SPATA13: variants seen among roughly 807,000 people sequenced by gnomAD.
SPATA13 encodes the protein spermatogenesis-associated protein 13.
A neutral mutation model predicts 104.0 loss-of-function variants in SPATA13; 50 were observed. The observed-to-expected ratio is 0.48, with a 90% confidence interval of 0.38 to 0.61. The LOEUF (loss-of-function observed/expected upper bound fraction) is 0.61, where lower values mean the gene tolerates loss of function less well. SPATA13 is among the 20% of genes least tolerant of loss of function. The probability of loss-of-function intolerance (pLI) is 0.00; values close to 1 mark genes in which losing one functional copy is unlikely to be tolerated. For missense variants in SPATA13, 1,524 were observed against 1,690.6 expected, an observed-to-expected ratio of 0.90 and a Z score of 1.73; for synonymous variants, 606 against 667.5, an observed-to-expected ratio of 0.91 and a Z score of 1.42.
chr13:24,195,565 G>A (rs1027223504), intron 1 of SPATA13, among the ~76,000 whole-genome samples: 1 of 152,110 alleles, frequency 6.6e-6, no homozygotes, highest in Non-Finnish European at 1.5e-5. Context: ...CAGCCCACCA[G>A]CAATATAAGA....
chr13:23,987,001 C>CTCTGTGTG (rs1555252373), intron 2 of SPATA13, among the ~76,000 whole-genome samples: 4 of 141,426 alleles, frequency 2.8e-5, no homozygotes, highest in East Asian at 2.1e-4. Flanking sequence ...ATGGATATAT[C>CTCTGTGTG]TGTGTGTGTG....
chr13:24,298,118 G>T (rs545610355), intron 11 of SPATA13, among the ~76,000 whole-genome samples: 1 of 152,284 alleles, frequency 6.6e-6, no homozygotes, highest in South Asian at 2.1e-4. Flanking sequence ...CCAGCACTTT[G>T]GATGCCACAT....
At chr13:24,269,715 C>CA (rs1005863359) in intron 4 of SPATA13, among the ~76,000 whole-genome samples, 19 of 148,970 alleles carry the variant, frequency 1.3e-4, no homozygotes, top group Non-Finnish European at 2.2e-4. Flanking sequence ...ACCACAGGCA[C>CA]ATGCCACTAT....
intron 1 of SPATA13, among the ~76,000 whole-genome samples, chr13:24,217,210 T>G: frequency 6.6e-6 from 1 of 152,186 alleles, no homozygotes; most frequent in Non-Finnish European, 1.5e-5. Flanking sequence ...CCGGGCAACA[T>G]AGCAAGATTG....
intron 12 of SPATA13, among the ~76,000 whole-genome samples, chr13:24,302,077 T>G (rs1343652796): frequency 6.6e-6 from 1 of 152,176 alleles, no homozygotes; most frequent in Non-Finnish European, 1.5e-5. Flanking sequence ...GCTACTCACC[T>G]TGACTGTCAG....
chr13:24,280,203 G>T (rs1875393139), intron 4 of SPATA13, among the ~76,000 whole-genome samples: 1 of 152,102 alleles, frequency 6.6e-6, no homozygotes, highest in Non-Finnish European at 1.5e-5. Flanking sequence ...TGTTTATGAA[G>T]AACTCAGAGA....
At chr13:24,165,578 C>T (rs148275250) in intron 1 of SPATA13, among the ~76,000 whole-genome samples, 148 of 151,376 alleles carry the variant, frequency 9.8e-4, no homozygotes, top group African/African-American at 3.5e-3. Flanking sequence ...CCCGGTTGCA[C>T]CCCCCACCCA....
At chr13:24,070,952 C>CA (rs1879139543) in intron 3 of SPATA13, among the ~76,000 whole-genome samples, 1 of 152,210 alleles carries the variant, frequency 6.6e-6, no homozygotes, top group African/African-American at 2.4e-5. Context: ...TTAGGACGTG[C>CA]TGACCTCCAC....
chr13:24,215,949 G>C (rs1039948601), intron 1 of SPATA13, among the ~76,000 whole-genome samples: 1 of 152,192 alleles, frequency 6.6e-6, no homozygotes, highest in African/African-American at 2.4e-5. Context: ...GTCCTAACCG[G>C]GAACTTCATT....
chr13:24,230,911 C>T (rs1194696101), intron 2 of SPATA13, among the ~76,000 whole-genome samples: 1 of 152,152 alleles, frequency 6.6e-6, no homozygotes, highest in Non-Finnish European at 1.5e-5. Flanking sequence ...GAGGGACATT[C>T]CGTGGCTGGG....
chr13:24,268,966 T>A (rs1022170098), intron 4 of SPATA13, among the ~76,000 whole-genome samples: 8 of 152,188 alleles, frequency 5.3e-5, no homozygotes, highest in Non-Finnish European at 1.0e-4. Context: ...GCCTACGATA[T>A]AGTATATAGT....
intron 3 of SPATA13, among the ~76,000 whole-genome samples, chr13:24,061,991 T>C (rs1469881195): frequency 6.6e-6 from 1 of 152,206 alleles, no homozygotes; most frequent in Non-Finnish European, 1.5e-5. Context: ...AACTTAAGTA[T>C]CTTTGACTCA....
intron 3 of SPATA13, among the ~76,000 whole-genome samples, chr13:24,137,774 A>C (rs1382328510): frequency 6.6e-6 from 1 of 152,268 alleles, no homozygotes; most frequent in Non-Finnish European, 1.5e-5. Flanking sequence ...CTCCAAAAAA[A>C]CCCAAAAGTA....
At chr13:24,121,842 C>T (rs928724794) in intron 3 of SPATA13, among the ~76,000 whole-genome samples, 10 of 152,064 alleles carry the variant, frequency 6.6e-5, no homozygotes, top group African/African-American at 2.4e-4. Flanking sequence ...AAGAAATATG[C>T]CCCCTAAGGT....
chr13:24,271,748 C>T (rs1054881029), intron 4 of SPATA13, among the ~76,000 whole-genome samples: 10 of 152,190 alleles, frequency 6.6e-5, no homozygotes, highest in African/African-American at 1.7e-4. Flanking sequence ...TAGATGCCAG[C>T]GCCTCGCCTG....
intron 1 of SPATA13, among the ~76,000 whole-genome samples, chr13:23,981,450 G>A (rs1445126994): frequency 2.0e-5 from 3 of 152,220 alleles, no homozygotes; most frequent in Non-Finnish European, 4.4e-5. Flanking sequence ...AGAGAGATAA[G>A]TGGTGAGAAG....
At chr13:24,171,180 T>G (rs75455320) in intron 1 of SPATA13, among the ~76,000 whole-genome samples, 2,290 of 152,274 alleles carry the variant, frequency 0.015, 24 homozygotes, top group African/African-American at 0.033. Flanking sequence ...TCACTAGAGC[T>G]GGGTGGTTTT....
chr13:23,985,798 G>T (rs1427917284), intron 2 of SPATA13, among the ~76,000 whole-genome samples: 1 of 152,178 alleles, frequency 6.6e-6, no homozygotes, highest in Non-Finnish European at 1.5e-5. Context: ...TGTGTTGAGG[G>T]CAACAGCAGG....
chr13:24,289,692 G>T lies in SPATA13; in HGVS notation c.2847+514G>T, dbSNP rs115921848. On this transcript the variant is annotated intron_variant, in intron 8 of 12. Transcript: ENST00000382108. ...AGACCCGGGCATGCGGCTCCAGGAC[G>T]CATGGTTGTGATACTGTAACTGCCT... Among the ~76,000 whole-genome samples, 980 of 152,278 alleles carry T rather than the reference G, an allele frequency of 6.4e-3. 9 individuals are homozygous for T. The highest frequency in any genetic ancestry group is 0.023 in the African/African-American group (947 of 41,544).
Sources: allele counts gnomAD v4.1 joint callset (sites outside exome capture counted in the v4.1 genomes callset), GRCh38; gene constraint gnomAD v4.1.1; transcripts MANE v1.5; gene names NCBI Gene and HGNC (gene_info 2026-07-23, HGNC 2026-07-21).